Variants in PRELID2 observed in about 807,000 individuals in gnomAD.
PRELID2 encodes PRELI domain containing 2.
In PRELID2, 25 loss-of-function variants were observed where a neutral mutation model predicts 28.4. The observed-to-expected ratio is 0.88, with a 90% confidence interval of 0.64 to 1.23. The LOEUF (loss-of-function observed/expected upper bound fraction) is 1.23. Ranked by LOEUF, PRELID2 falls within the 50% of genes most tolerant of loss-of-function variation. The pLI, the probability that PRELID2 is intolerant of heterozygous loss-of-function variation, is 0.00. For synonymous variants in PRELID2, 76 were observed against 71.6 expected, an observed-to-expected ratio of 1.06 and a Z score of -0.31; for missense variants, 201 against 214.4, an observed-to-expected ratio of 0.94 and a Z score of 0.39.
At chr5:145,471,918 G>T (rs914385621) in exon 3 of PRELID2, 1 of 152,134 alleles carries the variant, frequency 6.6e-6, no homozygotes, top group African/African-American at 2.4e-5. Context: ...TAAAGGAACT[G>T]CTTCCCAGTC....
chr5:145,627,137 A>G (rs1372776030), intron 1 of PRELID2, among the ~76,000 whole-genome samples: 8 of 128,892 alleles, frequency 6.2e-5, no homozygotes, highest in African/African-American at 9.1e-5. Flanking sequence ...AAAAAAAAAA[A>G]AAAAAAAAAT....
intron 1 of PRELID2, among the ~76,000 whole-genome samples, chr5:145,680,726 T>C (rs1754915992): frequency 6.6e-6 from 1 of 152,156 alleles, no homozygotes; most frequent in Admixed American, 6.6e-5. Flanking sequence ...ATTCTTATAA[T>C]AAATTCCCTT....
chr5:145,648,708 C>T (rs983685577), intron 1 of PRELID2, among the ~76,000 whole-genome samples: 6 of 150,606 alleles, frequency 4.0e-5, no homozygotes, highest in African/African-American at 1.5e-4. Flanking sequence ...TAGAAAAATA[C>T]TTGATTATTA....
At chr5:145,809,491 T>C (rs755748598) in intron 4 of PRELID2, among the ~76,000 whole-genome samples, 8 of 152,208 alleles carry the variant, frequency 5.3e-5, no homozygotes, top group African/African-American at 7.2e-5. Flanking sequence ...AACCTGGCCA[T>C]GGGCCTATGC....
intron 1 of PRELID2, among the ~76,000 whole-genome samples, chr5:145,664,356 C>A (rs1359486024): frequency 6.6e-6 from 1 of 152,050 alleles, no homozygotes; most frequent in Non-Finnish European, 1.5e-5. Context: ...CAAGCAAGAA[C>A]AAGACTATAC....
intron 1 of PRELID2, among the ~76,000 whole-genome samples, chr5:145,545,944 T>C (rs1752783439): frequency 6.6e-6 from 1 of 152,134 alleles, no homozygotes; most frequent in East Asian, 1.9e-4. Context: ...GAAAGTGGCA[T>C]AGCAAGGATC....
At chr5:145,507,627 C>T (rs1752423565) in intron 1 of PRELID2, among the ~76,000 whole-genome samples, 1 of 152,138 alleles carries the variant, frequency 6.6e-6, no homozygotes, top group Non-Finnish European at 1.5e-5. Flanking sequence ...GGCTGCATTC[C>T]CCCATGGCCC....
At chr5:145,343,244 A>T in the PRELID2 span, among the ~76,000 whole-genome samples, 408 of 152,096 alleles carry the variant, frequency 2.7e-3, no homozygotes, top group African/African-American at 9.4e-3. Context: ...CACATCGAAC[A>T]TTCTCTTAGA....
At chr5:145,712,021 G>C (rs1049083807) in intron 1 of PRELID2, among the ~76,000 whole-genome samples, 15 of 152,204 alleles carry the variant, frequency 9.9e-5, no homozygotes, top group African/African-American at 3.4e-4. Context: ...ACTGAAGGGA[G>C]ACTCCTGATG....
At chr5:145,833,415 G>A (rs1755732542) in intron 1 of PRELID2, among the ~76,000 whole-genome samples, 1 of 152,170 alleles carries the variant, frequency 6.6e-6, no homozygotes, top group African/African-American at 2.4e-5. Flanking sequence ...ACTCCAAAGT[G>A]CCAGTTCTAA....
chr5:145,332,672 CT>C, the PRELID2 span, among the ~76,000 whole-genome samples: 2 of 151,620 alleles, frequency 1.3e-5, no homozygotes, highest in African/African-American at 4.8e-5. Flanking sequence ...TTCTTCTAAC[CT>C]TTTTTAAAGG....
intron 1 of PRELID2, among the ~76,000 whole-genome samples, chr5:145,689,924 T>G (rs144037022): frequency 6.6e-6 from 1 of 152,074 alleles, no homozygotes; most frequent in Non-Finnish European, 1.5e-5. Context: ...AATGGCTCTT[T>G]GGTAATCCTG....
At chr5:145,675,031 C>T (rs1754786981) in intron 1 of PRELID2, among the ~76,000 whole-genome samples, 2 of 151,590 alleles carry the variant, frequency 1.3e-5, no homozygotes, top group South Asian at 4.2e-4. Flanking sequence ...TCCTATGACT[C>T]AAAATCTACA....
the PRELID2 span, among the ~76,000 whole-genome samples, chr5:145,268,404 C>T: frequency 1.8e-3 from 280 of 152,280 alleles, no homozygotes; most frequent in African/African-American, 6.4e-3. Flanking sequence ...ACCGTCCTTT[C>T]CTCACTGTGT....
intron 1 of PRELID2, among the ~76,000 whole-genome samples, chr5:145,636,915 C>T (rs1364983813): frequency 6.6e-6 from 1 of 152,128 alleles, no homozygotes; most frequent in Non-Finnish European, 1.5e-5. Flanking sequence ...TTCTCCCTTT[C>T]CAGGCTATTT....
At chr5:145,254,087 T>G in the PRELID2 span, among the ~76,000 whole-genome samples, 1 of 152,198 alleles carries the variant, frequency 6.6e-6, no homozygotes, top group South Asian at 2.1e-4. Flanking sequence ...ATGAGGTGAA[T>G]TAAATCTTTT....
At chr5:145,454,692 A>G in the PRELID2 span, among the ~76,000 whole-genome samples, 1 of 152,188 alleles carries the variant, frequency 6.6e-6, no homozygotes, top group Admixed American at 6.5e-5. Flanking sequence ...TGCTTCAAAG[A>G]GAATAAAATA....
intron 1 of PRELID2, among the ~76,000 whole-genome samples, chr5:145,555,781 G>C (rs1003967092): frequency 8.5e-5 from 13 of 152,146 alleles, no homozygotes; most frequent in Non-Finnish European, 8.8e-5. Context: ...AACTCACAGA[G>C]AGAAGCAGTC....
chr5:145,393,424 C>T, the PRELID2 span, among the ~76,000 whole-genome samples: 1 of 152,230 alleles, frequency 6.6e-6, no homozygotes, highest in East Asian at 1.9e-4. Context: ...TTAAATTTAG[C>T]AGAGTTTAAT....
Sources: gnomAD v4.1 joint callset for allele counts (sites outside exome capture counted in the v4.1 genomes callset) on GRCh38, gnomAD v4.1.1 for gene constraint, MANE v1.5 for transcripts, NCBI Gene and HGNC (gene_info 2026-07-23, HGNC 2026-07-21) for gene names.